The following ASCC3 variants were observed in gnomAD, a reference collection of about 807,000 sequenced individuals.
ASCC3 encodes ASC-1 complex subunit P200.
Under a neutral mutation model 256.3 loss-of-function variants are expected in ASCC3, and 158 were observed. The observed-to-expected ratio is 0.62, with a 90% confidence interval of 0.54 to 0.70. The LOEUF (loss-of-function observed/expected upper bound fraction) is 0.70, where lower values mean the gene tolerates loss of function less well. Ranked by LOEUF, ASCC3 falls within the 30% of genes least tolerant of loss-of-function variation. The probability of loss-of-function intolerance (pLI) is 0.00; values close to 1 mark genes in which losing one functional copy is unlikely to be tolerated. For synonymous variants in ASCC3, 948 were observed against 883.4 expected, an observed-to-expected ratio of 1.07 and a Z score of -1.30; for missense variants, 2,259 against 2,626.0, an observed-to-expected ratio of 0.86 and a Z score of 3.05.
At chr6:100,644,969 C>G (rs1233870005) in intron 22 of ASCC3, among the ~76,000 whole-genome samples, 1 of 152,160 alleles carries the variant, frequency 6.6e-6, no homozygotes, top group African/African-American at 2.4e-5. Context: ...AAACAGAAGA[C>G]TCAACCATCC....
At position 100,771,538 on chromosome 6, in the gene ASCC3, A is replaced by AATAT. The variant is rs143178446; in HGVS notation, c.1396-4194_1396-4193insATAT. ...TATCAGATAAAGTGCTTATACGTAG[A>AATAT]ATAAAAAAACTCAACACAACAGTAA... On this transcript the variant is annotated intron_variant, in intron 8 of 41. Coordinates refer to ENST00000369162, the MANE Select transcript of ASCC3 (RefSeq NM_006828.4). Among the ~76,000 whole-genome samples, 19 of 22,682 alleles carry AATAT rather than the reference A, an allele frequency of 8.4e-4. No individual in the cohort carries two copies. The East Asian group carries it at 0.011, about 13-fold the overall frequency. The allele number at this position is 22,682 out of a possible 152,430, so 14.9% of individuals were successfully genotyped here.
At chr6:100,817,084 G>C (rs150889468) in intron 4 of ASCC3, among the ~76,000 whole-genome samples, 5 of 151,970 alleles carry the variant, frequency 3.3e-5, no homozygotes, top group East Asian at 1.9e-4. Flanking sequence ...CATATAGTTA[G>C]CTATAAAACA....
Position 100,809,516 on chromosome 6 carries a change from G to A in ASCC3, c.802-3636C>T, listed in dbSNP as rs568852569. Reference sequence around the variant, plus strand: ...ACAGCATCACTGTTGTATATAGTCCGTCACTGACCAAAACATCCTTATGCA... The same window carrying A: ...ACAGCATCACTGTTGTATATAGTCCATCACTGACCAAAACATCCTTATGCA... On this transcript the variant is annotated intron_variant, in intron 4 of 41. Transcript: ENST00000369162. 8.5e-5 allele frequency among the ~76,000 whole-genome samples: 13 copies of A among 152,076 alleles called. 1 individual carries two copies. The South Asian group carries it at 2.1e-3, about 24-fold the overall frequency.
rs141717365 is a variant in ASCC3, at chr6:100,517,192, T to C, written c.5927+799A>G. ...ATATTTAAGTCAAATTGAGGGACTT[T>C]CCTGAGGAGACTTGCTGTGTGCCTG... On this transcript the variant is annotated intron_variant, in intron 38 of 41. Transcript: ENST00000369162. Among the ~76,000 whole-genome samples, 391 of 152,174 alleles carry C rather than the reference T, an allele frequency of 2.6e-3. 9 individuals are homozygous for C. The highest frequency in any genetic ancestry group is 0.018 in the South Asian group (85 of 4,816).
intron 1 of ASCC3, among the ~76,000 whole-genome samples, chr6:100,876,135 T>G (rs1773992780): frequency 6.6e-6 from 1 of 151,908 alleles, no homozygotes; most frequent in Admixed American, 6.6e-5. Flanking sequence ...CTAGAGAGAC[T>G]TGGATAGATG....
At chr6:100,675,272 A>G (rs1002715329) in intron 14 of ASCC3, among the ~76,000 whole-genome samples, 1 of 152,152 alleles carries the variant, frequency 6.6e-6, no homozygotes, top group East Asian at 1.9e-4. Flanking sequence ...CAGGGAAAGA[A>G]TAAACTCTGT....
At chr6:100,808,112 T>C (rs1212975531) in intron 4 of ASCC3, among the ~76,000 whole-genome samples, 1 of 151,914 alleles carries the variant, frequency 6.6e-6, no homozygotes, top group African/African-American at 2.4e-5. Flanking sequence ...CACTGTAAAT[T>C]TGACCATTTC....
chr6:100,532,406 A>ATT (rs57203625), intron 37 of ASCC3, among the ~76,000 whole-genome samples: 11 of 48,480 alleles, frequency 2.3e-4, no homozygotes, highest in Non-Finnish European at 3.6e-4. Context: ...ATATATATAT[A>ATT]TTTTTTTTTT....
rs1350759233 is a variant in ASCC3, at chr6:100,647,383, G to A, written c.3321C>T (p.Tyr1107=). Residue 1107 remains tyrosine, a synonymous_variant, in exon 21 of 42, where the codon TAC becomes TAT. Coordinates refer to ENST00000369162, the MANE Select transcript of ASCC3 (RefSeq NM_006828.4). ...TGACTTTACTAAGATTCAGGAGCCT[G>A]TAGGTCATGGTAGGCCAACGTTTCC... ...ALRKRWPTMT[Y]RLLNLSKVID... The A allele has an allele frequency of 2.5e-6, 4 of 1,614,050 alleles. No individual in the cohort carries two copies. The highest frequency in any genetic ancestry group is 3.3e-5 in the Admixed American group (2 of 60,012).
At chr6:100,678,067 G>T (rs1404993835) in intron 14 of ASCC3, among the ~76,000 whole-genome samples, 3 of 152,162 alleles carry the variant, frequency 2.0e-5, no homozygotes, top group Admixed American at 1.3e-4. Flanking sequence ...ATCATAGATT[G>T]TAAGGATTGA....
At chr6:100,874,618 C>T (rs1323942566) in intron 1 of ASCC3, among the ~76,000 whole-genome samples, 2 of 151,616 alleles carry the variant, frequency 1.3e-5, no homozygotes, top group Non-Finnish European at 2.9e-5. Context: ...ATAGATCACC[C>T]ACCATATATT....
At chr6:100,880,314 T>C (rs1769236122) in intron 1 of ASCC3, among the ~76,000 whole-genome samples, 3 of 152,074 alleles carry the variant, frequency 2.0e-5, no homozygotes, top group African/African-American at 7.2e-5. Context: ...CTATGAAACA[T>C]AAAATCTGGT....
intron 25 of ASCC3, among the ~76,000 whole-genome samples, chr6:100,633,126 A>G (rs1237748553): frequency 3.9e-5 from 6 of 152,194 alleles, no homozygotes; most frequent in Non-Finnish European, 7.3e-5. Context: ...CTTGTAGTCA[A>G]TTGTGGTCCA....
chr6:100,854,505 CAAAT>C (rs1772842780), intron 3 of ASCC3, among the ~76,000 whole-genome samples: 2 of 151,484 alleles, frequency 1.3e-5, no homozygotes, highest in Admixed American at 1.3e-4. Flanking sequence ...TTGGGATGAA[CAAAT>C]AAAGGAAAGC....
At chr6:100,836,197 C>T (rs1057493732) in intron 4 of ASCC3, among the ~76,000 whole-genome samples, 4 of 152,080 alleles carry the variant, frequency 2.6e-5, no homozygotes, top group East Asian at 1.9e-4. Context: ...TGTCTGCAAA[C>T]GGGGACAATT....
rs191800109 is a variant in ASCC3 at position 100,625,338 on chromosome 6, T to C, written c.4643-4A>G. On this transcript the variant is annotated splice_polypyrimidine_tract_variant and splice_region_variant and intron_variant, in intron 29 of 41. Coordinates refer to ENST00000369162, the MANE Select transcript of ASCC3 (RefSeq NM_006828.4). The stretch of plus-strand genomic sequence containing the variant: ...GCTGGAGAATGGCTTCTAATTGCTG[T>C]TGAAAAGTTGTGGGAAATAAAATGG... The C allele has an allele frequency of 1.2e-6, 2 of 1,612,210 alleles. No individual in the cohort carries two copies. The highest frequency in any genetic ancestry group is 4.5e-5 in the East Asian group (2 of 44,822).
At chr6:100,755,433 C>T (rs896880036) in intron 10 of ASCC3, among the ~76,000 whole-genome samples, 3 of 151,610 alleles carry the variant, frequency 2.0e-5, no homozygotes, top group Non-Finnish European at 4.4e-5. Flanking sequence ...AGTGGCACCA[C>T]CACGCTCACT....
intron 13 of ASCC3, among the ~76,000 whole-genome samples, chr6:100,681,342 T>C (rs1777291737): frequency 6.6e-6 from 1 of 152,108 alleles, no homozygotes; most frequent in Non-Finnish European, 1.5e-5. Flanking sequence ...AGCTAATTAG[T>C]TACCAAGGGC....
rs143894693 is a variant in ASCC3 at position 100,861,932 on chromosome 6, GAAAT to G, written c.241+2128_241+2131del. 1.8e-4 allele frequency among the ~76,000 whole-genome samples: 27 copies of G among 152,092 alleles called. No homozygotes were observed. The East Asian group carries it at 5.2e-3, about 29-fold the overall frequency. Reference sequence around the variant, plus strand: ...TTAAATTCCACCTTATTTATGTAAAGAAATAAACTTAGTCATGGTATTGAATAAG... The same window carrying G: ...TTAAATTCCACCTTATTTATGTAAAGAAACTTAGTCATGGTATTGAATAAG... On this transcript the variant is annotated intron_variant, in intron 3 of 41. Transcript: ENST00000369162.
Sources: gnomAD v4.1 joint callset for allele counts (sites outside exome capture counted in the v4.1 genomes callset) on GRCh38, gnomAD v4.1.1 for gene constraint, MANE v1.5 for transcripts, NCBI Gene and HGNC (gene_info 2026-07-23, HGNC 2026-07-21) for gene names.